The following ASAP1 variants were observed in gnomAD, a reference collection of about 807,000 sequenced individuals.
ASAP1 encodes ArfGAP with SH3 domain, ankyrin repeat and PH domain 1.
In ASAP1, 43 loss-of-function variants were observed where a neutral mutation model predicts 145.2. That is an observed-to-expected ratio of 0.30 (90% confidence interval 0.23 to 0.38). ASAP1 has a LOEUF of 0.38. ASAP1 is among the 10% of genes least tolerant of loss of function. The pLI is 1.00. For missense variants in ASAP1, 1,018 were observed against 1,355.3 expected, an observed-to-expected ratio of 0.75 and a Z score of 3.91; for synonymous variants, 546 against 515.5, an observed-to-expected ratio of 1.06 and a Z score of -0.80.
At chr8:130,065,858 C>A (rs1487889387) in intron 27 of ASAP1, among the ~76,000 whole-genome samples, 1 of 152,144 alleles carries the variant, frequency 6.6e-6, no homozygotes, top group African/African-American at 2.4e-5. Flanking sequence ...TCTTTCCTGC[C>A]TTGGTCTACC....
In ASAP1 at chr8:130,401,959, T is replaced by A. The variant is rs201825279; in HGVS notation, c.-16A>T. ...AAGATCTCATGTCTCAGCCGTCACA[T>A]CAGAAAACGACCTGGATAGGGGGCA... On this transcript the variant is annotated 5_prime_UTR_variant, in exon 2 of 30. The change abolishes an upstream ATG in the 5' untranslated region. Coordinates refer to ENST00000518721, the MANE Select transcript of ASAP1 (RefSeq NM_018482.4). The A allele has an allele frequency of 1.1e-4, 185 of 1,612,208 alleles. No individual in the cohort carries two copies. In the East Asian group the frequency reaches 4.1e-3, roughly 35 times the overall value.
intron 7 of ASAP1, among the ~76,000 whole-genome samples, chr8:130,182,185 TTAA>T (rs1814400232): frequency 6.6e-6 from 1 of 152,244 alleles, no homozygotes; most frequent in Admixed American, 6.5e-5. Flanking sequence ...CAGGCATAAC[TTAA>T]TAATAAGCCT....
chr8:130,293,542 C>G (rs1197012720), intron 3 of ASAP1, among the ~76,000 whole-genome samples: 1 of 152,296 alleles, frequency 6.6e-6, no homozygotes, highest in African/African-American at 2.4e-5. Flanking sequence ...AATGACAGTA[C>G]AAGGTCCAAT....
intron 3 of ASAP1, among the ~76,000 whole-genome samples, chr8:130,326,788 T>A (rs1178759437): frequency 6.6e-6 from 1 of 152,258 alleles, no homozygotes; most frequent in Non-Finnish European, 1.5e-5. Flanking sequence ...ATTAATTTAA[T>A]GCTTCTCTCC....
chr8:130,409,388 G>A (rs1829170674), intron 1 of ASAP1, among the ~76,000 whole-genome samples: 1 of 152,152 alleles, frequency 6.6e-6, no homozygotes, highest in Non-Finnish European at 1.5e-5. Flanking sequence ...CTGCTGGCAA[G>A]CAACAAGTCC....
intron 24 of ASAP1, among the ~76,000 whole-genome samples, chr8:130,105,060 A>G (rs2097534729): frequency 6.6e-6 from 1 of 151,154 alleles, no homozygotes; most frequent in Non-Finnish European, 1.5e-5. Flanking sequence ...TTTATTTTTA[A>G]TTGATAACAT....
At chr8:130,338,718 CCTCAGCTGAATG>C (rs1439379252) in intron 3 of ASAP1, among the ~76,000 whole-genome samples, 1 of 152,206 alleles carries the variant, frequency 6.6e-6, no homozygotes, top group African/African-American at 2.4e-5. Context: ...GGCCTGGTTT[CCTCAGCTGAATG>C]CTGAGGACAA....
chr8:130,328,082 G>A (rs1824452474), intron 3 of ASAP1, among the ~76,000 whole-genome samples: 1 of 151,972 alleles, frequency 6.6e-6, no homozygotes, highest in South Asian at 2.1e-4. Context: ...TACTGCAGCT[G>A]TCTAACATTT....
intron 24 of ASAP1, among the ~76,000 whole-genome samples, chr8:130,097,251 C>G (rs911199329): frequency 6.7e-6 from 1 of 149,270 alleles, no homozygotes; most frequent in Non-Finnish European, 1.5e-5. Flanking sequence ...TTTTGGGTAT[C>G]AGGTGCTGTG....
intron 1 of ASAP1, among the ~76,000 whole-genome samples, chr8:130,432,746 C>G: frequency 6.6e-6 from 1 of 152,100 alleles, no homozygotes; most frequent in East Asian, 1.9e-4. Context: ...TCCTACATGT[C>G]TCTTTTTAAG....
chr8:130,310,251 T>A (rs1444506936), intron 3 of ASAP1, among the ~76,000 whole-genome samples: 1 of 152,116 alleles, frequency 6.6e-6, no homozygotes, highest in Non-Finnish European at 1.5e-5. Flanking sequence ...ATAACCATTG[T>A]TATGGGCTCA....
intron 23 of ASAP1, among the ~76,000 whole-genome samples, chr8:130,112,666 C>T (rs1313041406): frequency 6.6e-6 from 1 of 152,192 alleles, no homozygotes; most frequent in African/African-American, 2.4e-5. Context: ...ATAGTATTTC[C>T]ACCTATTTCT....
At chr8:130,373,340 GTGAGCTAGTT>G (rs571625861) in intron 2 of ASAP1, among the ~76,000 whole-genome samples, 3 of 152,220 alleles carry the variant, frequency 2.0e-5, no homozygotes, top group Non-Finnish European at 2.9e-5. Context: ...AACAAGTTTG[GTGAGCTAGTT>G]TTTAGACCTT....
At chr8:130,085,359 C>A (rs527519056) in intron 25 of ASAP1, among the ~76,000 whole-genome samples, 2 of 152,240 alleles carry the variant, frequency 1.3e-5, no homozygotes, top group South Asian at 2.1e-4. Flanking sequence ...TACTTTGCTA[C>A]CTTTATTCTC....
intron 13 of ASAP1, among the ~76,000 whole-genome samples, chr8:130,139,839 T>G (rs2097605532): frequency 6.6e-6 from 1 of 151,684 alleles, no homozygotes; most frequent in South Asian, 2.1e-4. Context: ...TAACTTTATT[T>G]TTTAATTCTC....
chr8:130,142,477 A>G (rs748676973), intron 13 of ASAP1, among the ~76,000 whole-genome samples: 15 of 152,222 alleles, frequency 9.9e-5, no homozygotes, highest in Non-Finnish European at 1.8e-4. Context: ...CTCATTCATC[A>G]TATATTTATT....
intron 3 of ASAP1, among the ~76,000 whole-genome samples, chr8:130,290,776 C>T (rs955399596): frequency 2.0e-5 from 3 of 152,218 alleles, no homozygotes; most frequent in African/African-American, 4.8e-5. Context: ...AATGATGATA[C>T]TCCTCCTTCC....
chr8:130,207,035 A>C (rs1387706716), intron 5 of ASAP1, among the ~76,000 whole-genome samples: 1 of 152,224 alleles, frequency 6.6e-6, no homozygotes, highest in Non-Finnish European at 1.5e-5. Context: ...CATTTAATCA[A>C]ACATATAACA....
intron 3 of ASAP1, among the ~76,000 whole-genome samples, chr8:130,300,146 AC>A (rs1822548361): frequency 8.0e-6 from 1 of 124,672 alleles, no homozygotes; most frequent in Non-Finnish European, 1.7e-5. Flanking sequence ...ACACACACAC[AC>A]ACACACAGAG....
Sources: allele counts gnomAD v4.1 joint callset (sites outside exome capture counted in the v4.1 genomes callset), GRCh38; gene constraint gnomAD v4.1.1; transcripts MANE v1.5; gene names NCBI Gene and HGNC (gene_info 2026-07-23, HGNC 2026-07-21).